Variants in GNB1L observed in about 807,000 individuals in gnomAD.
GNB1L encodes the protein guanine nucleotide-binding protein subunit beta-like protein 1.
GNB1L carries 20 observed loss-of-function variants against 29.1 expected under a neutral mutation model. The ratio of observed to expected loss-of-function variants is 0.69; its 90% CI spans 0.48 to 1.00. The LOEUF (loss-of-function observed/expected upper bound fraction) is 1.00. Among genes scored for constraint, GNB1L ranks in the 50% least tolerant of loss-of-function variants. GNB1L has a pLI of 0.00. For synonymous variants in GNB1L, 193 were observed against 206.5 expected (o/e 0.93, Z 0.56); for missense variants, 421 against 464.9 (o/e 0.91, Z 0.87).
At chr22:19,805,317 G>T (rs1332475931) in intron 6 of GNB1L, among the ~76,000 whole-genome samples, 1 of 152,202 alleles carries the variant, frequency 6.6e-6, no homozygotes, top group Non-Finnish European at 1.5e-5. Flanking sequence ...AAAGCTGGGG[G>T]CAGGGACTCT....
At chr22:19,850,695 GC>G (rs1440996779) in intron 2 of GNB1L, 9 of 1,233,728 alleles carry the variant, frequency 7.3e-6, no homozygotes, top group Non-Finnish European at 9.1e-6. Context: ...GTCACAGGGA[GC>G]AGAGAGGGTG....
At chr22:19,811,524 T>A (rs571961633) in intron 5 of GNB1L, among the ~76,000 whole-genome samples, 54 of 152,236 alleles carry the variant, frequency 3.5e-4, no homozygotes, top group Non-Finnish European at 2.8e-4. Context: ...TCCTCCACTA[T>A]GACACCCTCC....
At chr22:19,827,543 T>G (rs1937628915) in intron 2 of GNB1L, among the ~76,000 whole-genome samples, 1 of 152,180 alleles carries the variant, frequency 6.6e-6, no homozygotes, top group Admixed American at 6.5e-5. Flanking sequence ...AGCAAAAGGC[T>G]TGGACAGATA....
intron 6 of GNB1L, among the ~76,000 whole-genome samples, chr22:19,804,586 T>G (rs1937411236): frequency 6.6e-6 from 1 of 151,684 alleles, no homozygotes; most frequent in Non-Finnish European, 1.5e-5. Context: ...AAAATGTGAT[T>G]GCCCCCCAAA....
At chr22:19,827,380 A>G (rs1937627637) in intron 2 of GNB1L, among the ~76,000 whole-genome samples, 1 of 152,160 alleles carries the variant, frequency 6.6e-6, no homozygotes, top group Admixed American at 6.6e-5. Flanking sequence ...ACAGGTATTT[A>G]TTTTACTACA....
chr22:19,792,143 C>G (rs570777397), intron 7 of GNB1L, among the ~76,000 whole-genome samples: 1 of 152,256 alleles, frequency 6.6e-6, no homozygotes, highest in South Asian at 2.1e-4. Flanking sequence ...TGCTAAGAAG[C>G]AGGAATATAT....
At chr22:19,848,869 C>A in intron 2 of GNB1L, 4 of 985,502 alleles carry the variant, frequency 4.1e-6, no homozygotes, top group Non-Finnish European at 3.6e-6. Context: ...GGAAGGTGGC[C>A]TGTCCAGAAG....
At chr22:19,853,724 G>A (rs560760365) in intron 2 of GNB1L, among the ~76,000 whole-genome samples, 3 of 152,156 alleles carry the variant, frequency 2.0e-5, no homozygotes, top group African/African-American at 7.2e-5. Flanking sequence ...CCTCTGGGGG[G>A]GGGGTCTTCA....
intron 5 of GNB1L, among the ~76,000 whole-genome samples, chr22:19,807,888 G>A (rs1937454278): frequency 6.6e-6 from 1 of 152,226 alleles, no homozygotes; most frequent in Non-Finnish European, 1.5e-5. Context: ...TCTGCCACAG[G>A]CATGCTATGG....
intron 4 of GNB1L, among the ~76,000 whole-genome samples, chr22:19,817,342 G>C (rs755398999): frequency 2.6e-5 from 4 of 152,168 alleles, no homozygotes; most frequent in African/African-American, 7.2e-5. Context: ...TTGGCTGGAC[G>C]TAACGGCACA....
intron 2 of GNB1L, among the ~76,000 whole-genome samples, chr22:19,832,404 G>A (rs900605416): frequency 1.6e-4 from 25 of 151,902 alleles, no homozygotes; most frequent in African/African-American, 6.1e-4. Flanking sequence ...GGGTTTTGGA[G>A]GAAAGCAAAG....
chr22:19,835,185 T>G (rs1004210082), intron 2 of GNB1L, among the ~76,000 whole-genome samples: 15 of 152,064 alleles, frequency 9.9e-5, no homozygotes, highest in Admixed American at 3.3e-4. Context: ...AAACTCCTCC[T>G]TAGTAACTGA....
At chr22:19,820,041 C>T (rs894147023) in intron 4 of GNB1L, among the ~76,000 whole-genome samples, 1 of 152,136 alleles carries the variant, frequency 6.6e-6, no homozygotes, top group South Asian at 2.1e-4. Flanking sequence ...TGAAGGGACA[C>T]ACACGGCCAG....
At chr22:19,831,649 C>T (rs1205257361) in intron 2 of GNB1L, among the ~76,000 whole-genome samples, 1 of 151,146 alleles carries the variant, frequency 6.6e-6, no homozygotes, top group Non-Finnish European at 1.5e-5. Flanking sequence ...CAAGATCACA[C>T]CACTGCACTC....
intron 4 of GNB1L, among the ~76,000 whole-genome samples, chr22:19,814,072 G>T (rs552653564): frequency 6.6e-6 from 1 of 152,320 alleles, no homozygotes; most frequent in South Asian, 2.1e-4. Context: ...ATAAATCATG[G>T]TGGTATTAGA....
chr22:19,819,418 G>A lies in GNB1L; in HGVS notation c.254+1180C>T, dbSNP rs535942040. ...ATAGAGGCAGAAGCTCATCTGAGGA[G>A]GGGCCTGGGCTCAATGCGGACCCCT... is the stretch of plus-strand genomic sequence containing the variant. On this transcript the variant is annotated intron_variant, in intron 4 of 7. Transcript: ENST00000329517. Among the ~76,000 whole-genome samples the A allele has an allele frequency of 2.6e-5, 4 of 152,354 alleles. No homozygotes were observed. In the South Asian group the frequency reaches 8.3e-4, roughly 32 times the overall value.
intron 7 of GNB1L, among the ~76,000 whole-genome samples, chr22:19,793,340 T>A (rs1205076409): frequency 6.6e-6 from 1 of 152,154 alleles, no homozygotes; most frequent in African/African-American, 2.4e-5. Context: ...ATTGGAAATA[T>A]ATATTTTTTA....
intron 2 of GNB1L, among the ~76,000 whole-genome samples, chr22:19,827,333 C>T (rs1937627410): frequency 6.6e-6 from 1 of 152,148 alleles, no homozygotes; most frequent in Non-Finnish European, 1.5e-5. Flanking sequence ...ACAAATGTGG[C>T]AAAATGCTAA....
chr22:19,852,158 G>A, intron 2 of GNB1L: 1 of 1,614,136 alleles, frequency 6.2e-7, no homozygotes, highest in Non-Finnish European at 8.5e-7. Context: ...TGCCACCCCA[G>A]GAGACGCCTT....
Sources: allele counts gnomAD v4.1 joint callset (sites outside exome capture counted in the v4.1 genomes callset), GRCh38; gene constraint gnomAD v4.1.1; transcripts MANE v1.5; gene names NCBI Gene and HGNC (gene_info 2026-07-23, HGNC 2026-07-21).